The following FAM184A variants were observed in gnomAD, a reference collection of about 807,000 sequenced individuals.
The protein encoded by FAM184A is protein FAM184A.
In FAM184A, 99 loss-of-function variants were observed where a neutral mutation model predicts 143.8. The observed-to-expected ratio is 0.69, with a 90% CI of 0.58 to 0.81. The LOEUF is 0.81. FAM184A is among the 40% of genes least tolerant of loss of function. The pLI, the probability that FAM184A is intolerant of heterozygous loss-of-function variation, is 0.00. For missense variants in FAM184A, 1,217 were observed against 1,310.5 expected, an observed-to-expected ratio of 0.93 and a Z score of 1.10; for synonymous variants, 427 against 446.4, an observed-to-expected ratio of 0.96 and a Z score of 0.55.
intron 1 of FAM184A, among the ~76,000 whole-genome samples, chr6:119,137,627 T>C (rs977686090): frequency 1.3e-5 from 2 of 152,178 alleles, no homozygotes. Flanking sequence ...TTTTTGATAA[T>C]CTTCTCATTC....
At chr6:119,117,882 A>AGG (rs1331339931) in intron 1 of FAM184A, among the ~76,000 whole-genome samples, 6 of 152,154 alleles carry the variant, frequency 3.9e-5, no homozygotes, top group African/African-American at 1.4e-4. Flanking sequence ...AGAAACAGGC[A>AGG]GGGGTGGGGG....
chr6:119,127,598 A>G (rs1334519300), intron 1 of FAM184A, among the ~76,000 whole-genome samples: 1 of 152,190 alleles, frequency 6.6e-6, no homozygotes, highest in Non-Finnish European at 1.5e-5. Flanking sequence ...AAATGATTTA[A>G]CTTCTCTGGG....
chr6:119,127,362 C>T (rs1562161123), intron 1 of FAM184A, among the ~76,000 whole-genome samples: 3 of 152,188 alleles, frequency 2.0e-5, no homozygotes, highest in South Asian at 4.1e-4. Flanking sequence ...TGGAGGACAC[C>T]TTAGAATTCT....
In FAM184A at chr6:119,049,455, T is replaced by A. The variant is rs992869050; in HGVS notation, c.160-24642A>T. ...AAGAGCGACACTTTGTCTCAAAAAA[T>A]AAAATAAAAACAAAACAAAACAAAA... On this transcript the variant is annotated intron_variant, in intron 1 of 17. Coordinates refer to ENST00000338891, the MANE Select transcript of FAM184A (RefSeq NM_024581.6). 1.2e-4 allele frequency among the ~76,000 whole-genome samples: 18 copies of A among 151,220 alleles called. No individual in the cohort carries two copies. The East Asian group carries it at 1.6e-3, about 13-fold the overall frequency.
intron 1 of FAM184A, among the ~76,000 whole-genome samples, chr6:119,037,222 C>T (rs1256485684): frequency 1.3e-5 from 2 of 152,146 alleles, no homozygotes; most frequent in East Asian, 3.8e-4. Context: ...TTTTCTTTCA[C>T]ATTTGAACAT....
intron 1 of FAM184A, among the ~76,000 whole-genome samples, chr6:119,119,067 G>A (rs1270011152): frequency 1.3e-5 from 2 of 152,144 alleles, no homozygotes; most frequent in Non-Finnish European, 2.9e-5. Flanking sequence ...ATAAGCCCCA[G>A]TCTCCCATAG....
At chr6:118,988,732 C>A (rs1784268752) in intron 9 of FAM184A, among the ~76,000 whole-genome samples, 2 of 152,154 alleles carry the variant, frequency 1.3e-5, no homozygotes, top group South Asian at 4.2e-4. Flanking sequence ...AAATTATTTA[C>A]AACATAGGCT....
At chr6:119,085,141 T>C (rs372514397) in intron 1 of FAM184A, among the ~76,000 whole-genome samples, 72 of 152,372 alleles carry the variant, frequency 4.7e-4, no homozygotes, top group African/African-American at 1.6e-3. Flanking sequence ...GAAAATAGGC[T>C]TTTCCTTTCT....
Position 119,078,642 on chromosome 6 carries a change from C to G in FAM184A, c.-343G>C, listed in dbSNP as rs984091131. 1.1e-5 allele frequency: 2 copies of G among 183,248 alleles called. No homozygotes were observed. Among genetic ancestry groups the G allele is most frequent in the Non-Finnish European group, 2.3e-5 (2 of 88,526 alleles). 11.4% of individuals were successfully genotyped at this position (183,248 alleles called of 1,614,324 possible). A position where few individuals can be genotyped will look rare whatever the true frequency, so the allele number is the denominator to read the frequency against. ...AGCTCCGCGGGTCCCGCTCGCAGCC[C>G]GCACCGAGGACTCGGCGAGGCTGCG... On this transcript the variant is annotated 5_prime_UTR_variant, in exon 1 of 18. Coordinates refer to ENST00000338891, the MANE Select transcript of FAM184A (RefSeq NM_024581.6). The surrounding 1 kb of genome is among the most constrained non-coding windows in gnomAD (Gnocchi z 5.5).
At chr6:119,127,336 T>A (rs1789397375) in intron 1 of FAM184A, among the ~76,000 whole-genome samples, 1 of 152,180 alleles carries the variant, frequency 6.6e-6, no homozygotes, top group African/African-American at 2.4e-5. Context: ...TGCACACTAG[T>A]GGTGGTGAGG....
chr6:118,998,468 G>A (rs1784641679), intron 9 of FAM184A, among the ~76,000 whole-genome samples: 1 of 152,206 alleles, frequency 6.6e-6, no homozygotes, highest in African/African-American at 2.4e-5. Context: ...CATGTGAATA[G>A]GTGAGAGAAT....
chr6:118,967,443 A>AT (rs1287628072), intron 14 of FAM184A, among the ~76,000 whole-genome samples: 2 of 152,206 alleles, frequency 1.3e-5, no homozygotes, highest in Non-Finnish European at 2.9e-5. Flanking sequence ...GTATGACGTC[A>AT]TTTTTTCCTG....
chr6:119,098,923 A>C (rs1036156439), intron 1 of FAM184A, among the ~76,000 whole-genome samples: 1 of 152,138 alleles, frequency 6.6e-6, no homozygotes, highest in Non-Finnish European at 1.5e-5. Flanking sequence ...CGGCCTGACC[A>C]ATATGATGAA....
intron 1 of FAM184A, among the ~76,000 whole-genome samples, chr6:119,143,534 A>G (rs1007429201): frequency 4.6e-5 from 7 of 152,238 alleles, no homozygotes; most frequent in Non-Finnish European, 1.0e-4. Flanking sequence ...CATTATTCAC[A>G]ATAGCCAAGA....
chr6:118,995,744 A>C (rs1274231974), intron 9 of FAM184A, among the ~76,000 whole-genome samples: 18 of 152,254 alleles, frequency 1.2e-4, no homozygotes, highest in Admixed American at 1.2e-3. Flanking sequence ...CTTCATAATC[A>C]TATGATCACT....
chr6:119,110,995 AAAGG>A (rs3061869), intron 1 of FAM184A, among the ~76,000 whole-genome samples: 85,123 of 151,670 alleles, frequency 0.56, 24,027 homozygotes, highest in South Asian at 0.6. Context: ...CAGCAAATGA[AAAGG>A]AAGGTTGCGA....
At chr6:119,116,566 C>T (rs1301884249) in intron 1 of FAM184A, among the ~76,000 whole-genome samples, 1 of 152,172 alleles carries the variant, frequency 6.6e-6, no homozygotes, top group Non-Finnish European at 1.5e-5. Flanking sequence ...TAGACTCAGG[C>T]TCTTTATTAC....
rs1281050449 is a variant in FAM184A, at chr6:119,024,227, T to C, written c.746A>G (p.Glu249Gly). Reference sequence around the variant, plus strand: ...GGACTGAGCTTTATTCAACTTGCCTTCATAATCCTCAATTAGTTTCTTCCG... The same window carrying C: ...GGACTGAGCTTTATTCAACTTGCCTCCATAATCCTCAATTAGTTTCTTCCG... ...LERKKLIEDY[E>G]GKLNKAQSFY... The change falls in exon 2 of 18, where the codon GAA becomes GGA. Residue 249 changes from glutamate (E) to glycine (G), a missense_variant. By Grantham distance (98) the Glu-to-Gly change is moderately conservative (BLOSUM62 -2). Coordinates refer to ENST00000338891, the MANE Select transcript of FAM184A (RefSeq NM_024581.6). 3.7e-6 allele frequency: 6 copies of C among 1,614,240 alleles called. No homozygotes were observed. The South Asian group carries it at 6.6e-5, about 18-fold the overall frequency.
chr6:119,039,329 G>A (rs1786231577), intron 1 of FAM184A, among the ~76,000 whole-genome samples: 1 of 152,148 alleles, frequency 6.6e-6, no homozygotes, highest in East Asian at 1.9e-4. Flanking sequence ...TACAAAAACT[G>A]GCACACAGAT....
Sources: allele counts gnomAD v4.1 joint callset (sites outside exome capture counted in the v4.1 genomes callset), GRCh38; gene constraint gnomAD v4.1.1; non-coding constraint Gnocchi (gnomAD v3.1); transcripts MANE v1.5; gene names NCBI Gene and HGNC (gene_info 2026-07-23, HGNC 2026-07-21).